The following IL16 variants were observed in gnomAD, a reference collection of about 807,000 sequenced individuals.
The protein encoded by IL16 is interleukin 16, also known as pro-interleukin-16.
Under a neutral mutation model 110.1 loss-of-function variants are expected in IL16, and 67 were observed. The observed-to-expected ratio is 0.61, with a 90% CI of 0.50 to 0.75. The LOEUF (loss-of-function observed/expected upper bound fraction) is 0.75, where lower values mean the gene tolerates loss of function less well. Among genes scored for constraint, IL16 ranks in the 30% least tolerant of loss-of-function variants. The pLI is 0.00. For synonymous variants in IL16, 689 were observed against 662.9 expected, an observed-to-expected ratio of 1.04 and a Z score of -0.61; for missense variants, 1,545 against 1,655.0, an observed-to-expected ratio of 0.93 and a Z score of 1.15.
chr15:81,248,676 ATTCTGT>A (rs1383726549), intron 2 of IL16, among the ~76,000 whole-genome samples: 3 of 112,996 alleles, frequency 2.7e-5, no homozygotes, highest in Non-Finnish European at 5.8e-5. Context: ...TCCTCTATTG[ATTCTGT>A]TTCTAATTCT....
At chr15:81,249,412 T>C (rs192682429) in intron 2 of IL16, among the ~76,000 whole-genome samples, 1 of 152,326 alleles carries the variant, frequency 6.6e-6, no homozygotes, top group East Asian at 1.9e-4. Context: ...CCTTGGGATT[T>C]TTTTTTTCTG....
intron 2 of IL16, among the ~76,000 whole-genome samples, chr15:81,255,031 G>C (rs1336394807): frequency 4.6e-5 from 7 of 152,188 alleles, no homozygotes; most frequent in African/African-American, 1.7e-4. Flanking sequence ...TCATGAGAGA[G>C]TTAGTGCTGC....
At chr15:81,204,010 TGTA>T (rs1487426705) in intron 1 of IL16, among the ~76,000 whole-genome samples, 1 of 151,494 alleles carries the variant, frequency 6.6e-6, no homozygotes, top group Non-Finnish European at 1.5e-5. Flanking sequence ...AGCAGTGGTT[TGTA>T]GTTCTCCTTG....
At chr15:81,272,971 G>A (rs961659126) in intron 5 of IL16, 119 bp from the exon 6 acceptor site, 5 of 672,028 alleles carry the variant, frequency 7.4e-6, no homozygotes, top group African/African-American at 3.6e-5. Flanking sequence ...GAGACCAAAG[G>A]CACCTTCTCT....
intron 1 of IL16, among the ~76,000 whole-genome samples, chr15:81,185,394 C>T (rs115500665): frequency 3.8e-4 from 55 of 143,676 alleles, no homozygotes; most frequent in African/African-American, 1.4e-3. Context: ...TCTCATCTGT[C>T]GCCCAGGCTA....
intron 1 of IL16, among the ~76,000 whole-genome samples, chr15:81,207,173 G>A (rs1229335483): frequency 6.7e-6 from 1 of 150,098 alleles, no homozygotes; most frequent in African/African-American, 2.5e-5. Context: ...GGGAGGCAGA[G>A]CTTGCAGTGA....
At chr15:81,199,399 C>T (rs1382805037) in intron 1 of IL16, among the ~76,000 whole-genome samples, 1 of 152,230 alleles carries the variant, frequency 6.6e-6, no homozygotes, top group East Asian at 1.9e-4. Context: ...ATGTGAAGGA[C>T]GTTGGGTGGA....
chr15:81,205,621 CAT>C (rs1017262467), intron 1 of IL16, among the ~76,000 whole-genome samples: 7 of 151,844 alleles, frequency 4.6e-5, no homozygotes, highest in Non-Finnish European at 8.8e-5. Context: ...AAAAACAAAA[CAT>C]GTGAGAAGAA....
chr15:81,258,752 A>T (rs370433556), intron 2 of IL16, among the ~76,000 whole-genome samples: 337 of 119,194 alleles, frequency 2.8e-3, no homozygotes, highest in African/African-American at 0.011. Context: ...TCTCTCTGTC[A>T]CTCGCTCTCT....
chr15:81,304,904 G>A (rs1214958774), intron 16 of IL16, among the ~76,000 whole-genome samples: 1 of 152,214 alleles, frequency 6.6e-6, no homozygotes, highest in Non-Finnish European at 1.5e-5. Context: ...TGGTTTCCAT[G>A]CATGCTATCA....
chr15:81,288,744 C>T (rs560108757), intron 10 of IL16, among the ~76,000 whole-genome samples: 24 of 152,192 alleles, frequency 1.6e-4, no homozygotes, highest in African/African-American at 4.1e-4. Context: ...TTTGACTTCG[C>T]GTAATGTCCT....
rs1212145712 is a variant in IL16, at chr15:81,303,014, A to AATGTGT, written c.3319-534_3319-529dup. On this transcript the variant is annotated intron_variant, in intron 15 of 18. Transcript: ENST00000683961. This position sits in a 1 kb window ranked among gnomAD's most constrained non-coding sequence, Gnocchi z 4.1. ...CGTCTAGGCTAGGAAGTACCGTAGT[A>AATGTGT]ATGTGTGTGTGTGTGTGTGTGTGTG... is the stretch of plus-strand genomic sequence containing the variant. Among the ~76,000 whole-genome samples the AATGTGT allele has an allele frequency of 1.4e-5, 1 of 70,298 alleles. No homozygotes were observed. Among genetic ancestry groups the AATGTGT allele is most frequent in the African/African-American group, 5.1e-5 (1 of 19,730 alleles). The allele number at this position is 70,298 out of a possible 152,430, so 46.1% of individuals were successfully genotyped here.
chr15:81,293,099 C>G lies in IL16; in HGVS notation c.1902+62C>G, dbSNP rs900163194. On this transcript the variant is annotated intron_variant, in intron 12 of 18. Coordinates refer to ENST00000683961, the MANE Select transcript of IL16 (RefSeq NM_172217.5). ...ACCAGACTCAAATCTTGAGCATGGG[C>G]AAATTAGCAAGTTAGTGTTAGCAGG... 9 of 1,516,498 alleles carry G rather than the reference C, an allele frequency of 5.9e-6. No homozygotes were observed. The African/African-American group carries it at 1.1e-4, about 19-fold the overall frequency. 93.9% of individuals were successfully genotyped at this position (1,516,498 alleles called of 1,614,324 possible). A position where few individuals can be genotyped will look rare whatever the true frequency, so the allele number is the denominator to read the frequency against.
intron 2 of IL16, among the ~76,000 whole-genome samples, chr15:81,242,786 TG>T (rs1897379604): frequency 1.3e-5 from 2 of 152,106 alleles, no homozygotes; most frequent in Admixed American, 6.6e-5. Context: ...ATTCTTTCTT[TG>T]TCCCCAGTCT....
Position 81,303,005 on chromosome 15 carries a change from T to C in IL16, c.3319-544T>C, listed in dbSNP as rs2141624026. 7.3e-6 allele frequency among the ~76,000 whole-genome samples: 1 copy of C among 136,988 alleles called. No individual in the cohort carries two copies. The highest frequency in any genetic ancestry group is 2.1e-4 in the East Asian group (1 of 4,840). 89.9% of individuals were successfully genotyped at this position (136,988 alleles called of 152,430 possible). On this transcript the variant is annotated intron_variant, in intron 15 of 18. Transcript: ENST00000683961. This position sits in a 1 kb window ranked among gnomAD's most constrained non-coding sequence, Gnocchi z 4.1. ...GGGAGTCCCCGTCTAGGCTAGGAAGTACCGTAGTAATGTGTGTGTGTGTGT... is the reference window on the plus strand; with the variant it reads ...GGGAGTCCCCGTCTAGGCTAGGAAGCACCGTAGTAATGTGTGTGTGTGTGT...
chr15:81,229,135 A>G (rs140653713), intron 2 of IL16, among the ~76,000 whole-genome samples: 24 of 152,338 alleles, frequency 1.6e-4, no homozygotes, highest in African/African-American at 5.5e-4. Context: ...AATGTGCTAG[A>G]CAGTGTGTAA....
At chr15:81,196,336 G>A (rs1895595981), upstream of IL16, among the ~76,000 whole-genome samples, 1 of 152,196 alleles carries the variant, frequency 6.6e-6, no homozygotes, top group South Asian at 2.1e-4. Flanking sequence ...GGCTTTCTTT[G>A]TCTGCAAAGC....
upstream of IL16, among the ~76,000 whole-genome samples, chr15:81,195,551 A>T (rs1895575475): frequency 6.6e-6 from 1 of 152,132 alleles, no homozygotes; most frequent in Non-Finnish European, 1.5e-5. Context: ...TTATCCCCAG[A>T]GTGCTCCCTC....
At chr15:81,211,253 C>CTTTT (rs201687635) in intron 1 of IL16, among the ~76,000 whole-genome samples, 1 of 135,334 alleles carries the variant, frequency 7.4e-6, no homozygotes, top group Non-Finnish European at 1.6e-5. Flanking sequence ...TTTTTTCTTT[C>CTTTT]TTTTTTTTTT....
Sources: allele counts gnomAD v4.1 joint callset (sites outside exome capture counted in the v4.1 genomes callset), GRCh38; gene constraint gnomAD v4.1.1; non-coding constraint Gnocchi (gnomAD v3.1); transcripts MANE v1.5; gene names NCBI Gene and HGNC (gene_info 2026-07-23, HGNC 2026-07-21).